RAPGEF2: variants seen among roughly 807,000 people sequenced by gnomAD.
RAPGEF2 encodes the protein PDZ domain containing guanine nucleotide exchange factor (GEF) 1.
Under a neutral mutation model 186.7 loss-of-function variants are expected in RAPGEF2, and 54 were observed. The ratio of observed to expected loss-of-function variants is 0.29; its 90% CI spans 0.23 to 0.36. The LOEUF (loss-of-function observed/expected upper bound fraction) is 0.36, where lower values mean the gene tolerates loss of function less well. RAPGEF2 is among the 10% of genes least tolerant of loss of function. The pLI is 1.00. For synonymous variants in RAPGEF2, 712 were observed against 705.9 expected, an observed-to-expected ratio of 1.01 and a Z score of -0.14; for missense variants, 1,532 against 2,045.0, an observed-to-expected ratio of 0.75 and a Z score of 4.84.
intron 1 of RAPGEF2, among the ~76,000 whole-genome samples, chr4:159,184,322 C>T (rs2111287260): frequency 6.6e-6 from 1 of 152,324 alleles, no homozygotes; most frequent in Middle Eastern, 3.4e-3. Flanking sequence ...GCCACACTGT[C>T]TTCCACAATC....
intron 7 of RAPGEF2, among the ~76,000 whole-genome samples, chr4:159,252,301 T>C (rs1755549959): frequency 6.6e-6 from 1 of 152,238 alleles, no homozygotes; most frequent in Non-Finnish European, 1.5e-5. Context: ...TTGCCTGCCT[T>C]GGCCTCCCAA....
intron 13 of RAPGEF2, chr4:159,330,735 T>C (rs374937511): frequency 2.0e-4 from 82 of 418,878 alleles, no homozygotes; most frequent in Middle Eastern, 1.2e-3. Context: ...GGCCAATAAA[T>C]TGGCCACCAA....
intron 26 of RAPGEF2, among the ~76,000 whole-genome samples, chr4:159,350,683 C>T (rs1337127114): frequency 6.6e-6 from 1 of 152,112 alleles, no homozygotes; most frequent in Non-Finnish European, 1.5e-5. Flanking sequence ...ATTGTATTAA[C>T]ACAGGTCTTG....
At chr4:159,251,173 G>A (rs1755321648) in intron 7 of RAPGEF2, among the ~76,000 whole-genome samples, 2 of 152,204 alleles carry the variant, frequency 1.3e-5, no homozygotes, top group Admixed American at 1.3e-4. Flanking sequence ...CCTCCCCATG[G>A]GGCAGGGCTC....
Position 159,341,953 on chromosome 4 carries a change from A to G in RAPGEF2, c.2918+6A>G, listed in dbSNP as rs1729520096. ...TCAATGTTTGCAATCATCAGGTAAG[A>G]GAGCACATTTTTTCTTAAGATTCAG... On this transcript the variant is annotated splice_donor_region_variant and intron_variant, in intron 20 of 29. Transcript: ENST00000691494. The G allele has an allele frequency of 6.4e-7, 1 of 1,566,340 alleles. No individual in the cohort carries two copies. Among genetic ancestry groups the G allele is most frequent in the South Asian group, 1.2e-5 (1 of 81,952 alleles).
intron 1 of RAPGEF2, among the ~76,000 whole-genome samples, chr4:159,130,910 A>G (rs1205146031): frequency 2.6e-5 from 4 of 152,060 alleles, no homozygotes. Flanking sequence ...GGGTTTCACC[A>G]TGTTGCCCAG....
chr4:159,230,640 C>T (rs767952137), intron 4 of RAPGEF2, among the ~76,000 whole-genome samples: 20 of 152,172 alleles, frequency 1.3e-4, no homozygotes, highest in Non-Finnish European at 2.2e-4. Context: ...CAGATCTTTG[C>T]GGGGGTAACC....
intron 4 of RAPGEF2, among the ~76,000 whole-genome samples, chr4:159,223,031 A>G (rs2111409202): frequency 6.6e-6 from 1 of 152,122 alleles, no homozygotes; most frequent in Non-Finnish European, 1.5e-5. Flanking sequence ...AAGCTGTTTG[A>G]CAGTACTCGT....
At chr4:159,318,809 T>C (rs997584631) in intron 9 of RAPGEF2, among the ~76,000 whole-genome samples, 9 of 152,202 alleles carry the variant, frequency 5.9e-5, no homozygotes, top group African/African-American at 1.9e-4. Context: ...CAAACCAGGA[T>C]AAGCTAATTT....
At chr4:159,254,632 A>T (rs900817090) in intron 7 of RAPGEF2, among the ~76,000 whole-genome samples, 20 of 147,356 alleles carry the variant, frequency 1.4e-4, no homozygotes, top group African/African-American at 4.8e-4. Context: ...TAAATGAGAC[A>T]GAGTCTTGCT....
intron 1 of RAPGEF2, among the ~76,000 whole-genome samples, chr4:159,118,418 C>T (rs894272384): frequency 6.6e-6 from 1 of 152,076 alleles, no homozygotes; most frequent in Admixed American, 6.5e-5. Context: ...ATAATTATTT[C>T]ATTATATATT....
intron 1 of RAPGEF2, among the ~76,000 whole-genome samples, chr4:159,175,550 C>G (rs1412561514): frequency 6.6e-6 from 1 of 152,112 alleles, no homozygotes; most frequent in Non-Finnish European, 1.5e-5. Context: ...TGGACTTGTT[C>G]CCGACTTCCT....
At chr4:159,137,709 C>CAA (rs35501594) in intron 1 of RAPGEF2, among the ~76,000 whole-genome samples, 66,511 of 122,070 alleles carry the variant, frequency 0.54, 19,333 homozygotes, top group East Asian at 0.73. Context: ...AAAATAAATG[C>CAA]AAAAAAAAAA....
intron 4 of RAPGEF2, among the ~76,000 whole-genome samples, chr4:159,213,306 A>G (rs1230074401): frequency 2.0e-5 from 3 of 152,196 alleles, no homozygotes; most frequent in South Asian, 4.1e-4. Context: ...TTGAGGTTCT[A>G]TATGGATTAG....
At chr4:159,291,041 G>A (rs1045020314) in intron 7 of RAPGEF2, among the ~76,000 whole-genome samples, 2 of 152,194 alleles carry the variant, frequency 1.3e-5, no homozygotes, top group Admixed American at 1.3e-4. Flanking sequence ...AAAATTGATA[G>A]ACACATAACA....
At chr4:159,223,716 C>T (rs778313309) in intron 4 of RAPGEF2, among the ~76,000 whole-genome samples, 10 of 152,160 alleles carry the variant, frequency 6.6e-5, no homozygotes, top group Non-Finnish European at 1.3e-4. Flanking sequence ...GTTTGCCTCT[C>T]TTCTTGCCAT....
intron 25 of RAPGEF2, among the ~76,000 whole-genome samples, chr4:159,347,635 T>G (rs1251473139): frequency 1.3e-5 from 2 of 151,968 alleles, no homozygotes; most frequent in African/African-American, 4.8e-5. Flanking sequence ...ATAGAAAAAA[T>G]TAGCCGGGCG....
At chr4:159,347,089 C>G (rs1730428876) in intron 25 of RAPGEF2, 91 bp downstream of exon 25, 3 of 1,219,660 alleles carry the variant, frequency 2.5e-6, no homozygotes. Flanking sequence ...ATAACTTTGT[C>G]TAATATATTT....
At chr4:159,319,039 T>C (rs1423708684) in intron 9 of RAPGEF2, among the ~76,000 whole-genome samples, 1 of 152,194 alleles carries the variant, frequency 6.6e-6, no homozygotes, top group Non-Finnish European at 1.5e-5. Flanking sequence ...TGGCTTCTTT[T>C]CCTTTGTCCT....
Sources: allele counts gnomAD v4.1 joint callset (sites outside exome capture counted in the v4.1 genomes callset), GRCh38; gene constraint gnomAD v4.1.1; transcripts MANE v1.5; gene names NCBI Gene and HGNC (gene_info 2026-07-23, HGNC 2026-07-21).